COL13A1: variants seen among roughly 807,000 people sequenced by gnomAD.
COL13A1 encodes collagen type XIII alpha 1 chain.
COL13A1 carries 89 observed loss-of-function variants against 130.9 expected under a neutral mutation model. The ratio of observed to expected loss-of-function variants is 0.68; its 90% CI spans 0.57 to 0.81. The LOEUF (loss-of-function observed/expected upper bound fraction) is 0.81, where lower values mean the gene tolerates loss of function less well. Among genes scored for constraint, COL13A1 ranks in the 30% least tolerant of loss-of-function variants. The pLI is 0.00. For missense variants in COL13A1, 879 were observed against 934.6 expected, an observed-to-expected ratio of 0.94 and a Z score of 0.78; for synonymous variants, 402 against 341.6, an observed-to-expected ratio of 1.18 and a Z score of -1.95.
intron 39 of COL13A1, chr10:69,955,159 A>G (rs960818286): frequency 2.0e-5 from 3 of 152,220 alleles, no homozygotes; most frequent in Non-Finnish European, 4.4e-5. Context: ...GATACAAGAA[A>G]TTATGCTGTG....
intron 3 of COL13A1, among the ~76,000 whole-genome samples, chr10:69,868,392 C>T (rs1266116383): frequency 2.0e-5 from 3 of 152,140 alleles, no homozygotes; most frequent in Admixed American, 1.3e-4. Flanking sequence ...GGCATCATGC[C>T]GCACTCCTTC....
At chr10:69,946,117 G>A (rs1411525011) in intron 37 of COL13A1, among the ~76,000 whole-genome samples, 1 of 150,314 alleles carries the variant, frequency 6.7e-6, no homozygotes, top group Non-Finnish European at 1.5e-5. Flanking sequence ...ATCACCTAGG[G>A]CCTGGAGCAC....
At chr10:69,830,379 A>G (rs528735668) in intron 2 of COL13A1, among the ~76,000 whole-genome samples, 1 of 152,396 alleles carries the variant, frequency 6.6e-6, no homozygotes, top group Admixed American at 6.5e-5. Context: ...AAATTGCAGT[A>G]CTTTCATCAA....
intron 1 of COL13A1, among the ~76,000 whole-genome samples, chr10:69,809,763 T>G (rs1481295512): frequency 6.6e-6 from 1 of 152,252 alleles, no homozygotes; most frequent in African/African-American, 2.4e-5. Flanking sequence ...CCACCATCTT[T>G]GTTGTAAGAA....
chr10:69,905,065 C>A, intron 16 of COL13A1, 106 bp downstream of exon 16: 1 of 1,290,940 alleles, frequency 7.7e-7, no homozygotes, highest in South Asian at 1.3e-5. Flanking sequence ...AGAGGGATCT[C>A]AGCTGAGAGA....
intron 4 of COL13A1, among the ~76,000 whole-genome samples, chr10:69,874,027 A>C (rs1197522097): frequency 6.6e-6 from 1 of 152,240 alleles, no homozygotes; most frequent in Non-Finnish European, 1.5e-5. Context: ...CCCACTCCAC[A>C]GAACTGATGC....
intron 1 of COL13A1, among the ~76,000 whole-genome samples, chr10:69,807,723 G>A (rs1841949699): frequency 1.3e-5 from 2 of 152,178 alleles, no homozygotes; most frequent in Admixed American, 1.3e-4. Flanking sequence ...GACAGACTCT[G>A]GATCCAGGTT....
intron 10 of COL13A1, among the ~76,000 whole-genome samples, chr10:69,892,775 C>T (rs750350258): frequency 8.5e-5 from 13 of 152,210 alleles, no homozygotes; most frequent in Non-Finnish European, 1.3e-4. Flanking sequence ...AACTTGAAAT[C>T]CAAATTTTTA....
At chr10:69,873,301 G>A (rs1187100337) in intron 4 of COL13A1, among the ~76,000 whole-genome samples, 1 of 152,152 alleles carries the variant, frequency 6.6e-6, no homozygotes, top group African/African-American at 2.4e-5. Context: ...CCTAGCAGTG[G>A]CTTTCTTAAT....
chr10:69,854,523 AG>A (rs1855852344), intron 2 of COL13A1, among the ~76,000 whole-genome samples: 4 of 151,800 alleles, frequency 2.6e-5, no homozygotes, highest in Admixed American at 1.3e-4. Flanking sequence ...CAGGGAACCA[AG>A]ATCACACGAC....
rs3847352 is a variant in COL13A1, at chr10:69,828,650, C to T, written c.364+6212C>T. On this transcript the variant is annotated intron_variant, in intron 2 of 40. Transcript: ENST00000645393. ...CAGTTTCTACCTAGTGAACTCTTCACCCCTCCATGTCAGCTACATCATCCC... is the reference window on the plus strand; with the variant it reads ...CAGTTTCTACCTAGTGAACTCTTCATCCCTCCATGTCAGCTACATCATCCC... 8.9e-4 allele frequency among the ~76,000 whole-genome samples: 136 copies of T among 152,296 alleles called. 1 individual carries two copies. Among genetic ancestry groups the T allele is most frequent in the Non-Finnish European group, 1.0e-3 (68 of 68,028 alleles).
intron 7 of COL13A1, among the ~76,000 whole-genome samples, chr10:69,881,282 C>T (rs996762079): frequency 2.0e-5 from 3 of 152,188 alleles, no homozygotes; most frequent in Non-Finnish European, 4.4e-5. Flanking sequence ...GAAGGGGAAA[C>T]TGAGGCTCAG....
intron 25 of COL13A1, among the ~76,000 whole-genome samples, chr10:69,925,584 C>T (rs2065236975): frequency 6.6e-6 from 1 of 152,180 alleles, no homozygotes; most frequent in South Asian, 2.1e-4. Flanking sequence ...CTTCCCAGGT[C>T]GGCCTAGCCC....
chr10:69,952,806 T>C, intron 38 of COL13A1, 76 bp from the exon 39 acceptor site: 1 of 1,024,830 alleles, frequency 9.8e-7, no homozygotes. Flanking sequence ...ATTTTTCTTT[T>C]TCTGTCTTCA....
At position 69,804,565 on chromosome 10, in the gene COL13A1, G is replaced by A. The variant is rs199676964; in HGVS notation, c.294+1848G>A. On this transcript the variant is annotated intron_variant, in intron 1 of 40. Coordinates refer to ENST00000645393, the MANE Select transcript of COL13A1 (RefSeq NM_001368882.1). The stretch of plus-strand genomic sequence containing the variant: ...CCCATTTTTCAGATGGGGAAGTTGA[G>A]CCCAGAGTCACATGGCGAGGCCCAG... 1.5e-4 allele frequency among the ~76,000 whole-genome samples: 22 copies of A among 151,644 alleles called. No homozygotes were observed. In the East Asian group the frequency reaches 2.9e-3, roughly 20 times the overall value.
At chr10:69,810,494 G>A (rs1053104484) in intron 1 of COL13A1, among the ~76,000 whole-genome samples, 1 of 152,134 alleles carries the variant, frequency 6.6e-6, no homozygotes, top group East Asian at 1.9e-4. Flanking sequence ...TGAAGCTCAC[G>A]GTGAGATGTC....
intron 8 of COL13A1, among the ~76,000 whole-genome samples, chr10:69,887,822 C>T (rs1196884451): frequency 6.6e-6 from 1 of 152,212 alleles, no homozygotes; most frequent in Non-Finnish European, 1.5e-5. Context: ...CCCTGCAGCT[C>T]AGCCTGTGCC....
At chr10:69,866,344 C>T (rs1213188845) in intron 2 of COL13A1, among the ~76,000 whole-genome samples, 3 of 152,214 alleles carry the variant, frequency 2.0e-5, no homozygotes, top group Non-Finnish European at 4.4e-5. Flanking sequence ...CCCGTCAGGC[C>T]TGGCAGGCGC....
chr10:69,875,094 C>A (rs773758520), intron 4 of COL13A1, 34 bp from the exon 5 acceptor site: 13 of 1,613,900 alleles, frequency 8.1e-6, no homozygotes, highest in South Asian at 1.1e-5. Flanking sequence ...TGGTTCCAAC[C>A]ACATCTGACT....
Sources: allele counts gnomAD v4.1 joint callset (sites outside exome capture counted in the v4.1 genomes callset), GRCh38; gene constraint gnomAD v4.1.1; transcripts MANE v1.5; gene names NCBI Gene and HGNC (gene_info 2026-07-23, HGNC 2026-07-21).